Variants in ZNF234 observed in about 807,000 individuals in gnomAD.
The protein encoded by ZNF234 is zinc finger protein 234, also known as C2-H2 type zinc finger protein.
A neutral mutation model predicts 10.3 loss-of-function variants in ZNF234; 4 were observed. The observed-to-expected ratio is 0.39, with a 90% CI of 0.19 to 0.89. ZNF234 has a LOEUF of 0.89. Ranked by LOEUF, ZNF234 falls within the 40% of genes least tolerant of loss-of-function variation. The probability of loss-of-function intolerance (pLI) is 0.38; values close to 1 mark genes in which losing one functional copy is unlikely to be tolerated. For missense variants in ZNF234, 711 were observed against 836.1 expected (o/e 0.85, Z 1.85); for synonymous variants, 258 against 280.1 (o/e 0.92, Z 0.79).
chr19:44,155,012 C>T (rs1002087721), intron 5 of ZNF234, among the ~76,000 whole-genome samples: 6 of 152,112 alleles, frequency 3.9e-5, no homozygotes, highest in East Asian at 3.9e-4. Context: ...CTTAGAGGTA[C>T]GTCTTTCTGC....
chr19:44,153,825 A>G (rs1270467158), intron 5 of ZNF234, among the ~76,000 whole-genome samples: 1 of 152,264 alleles, frequency 6.6e-6, no homozygotes, highest in African/African-American at 2.4e-5. Flanking sequence ...AAAAAAGTCA[A>G]GTTGGGGTTC....
chr19:44,159,876 AC>A lies in ZNF234; in HGVS notation c.*1758del. On this transcript the variant is annotated 3_prime_UTR_variant, in exon 6 of 6. Coordinates refer to ENST00000426739, the MANE Select transcript of ZNF234 (RefSeq NM_006630.3). ...TGGTGAAACCCCATCTCTACTAAATACAAAAATTAGCTGGGCATGGTGGCAG... is the reference window on the plus strand; with the variant it reads ...TGGTGAAACCCCATCTCTACTAAATAAAAAATTAGCTGGGCATGGTGGCAG... The A allele has an allele frequency of 5.8e-6, 1 of 172,238 alleles. No individual in the cohort carries two copies. 10.7% of individuals were successfully genotyped at this position (172,238 alleles called of 1,614,324 possible). A position where few individuals can be genotyped will look rare whatever the true frequency, so the allele number is the denominator to read the frequency against.
In ZNF234 at chr19:44,156,929, A is replaced by G. The variant is rs1568554054; in HGVS notation, c.913A>G (p.Asn305Asp). The change falls in exon 6 of 6, where the codon AAT becomes GAT. Residue 305 changes from asparagine to aspartate, a missense_variant. Physicochemically the swap from Asn to Asp is conservative, Grantham distance 23. Transcript: ENST00000426739. ...KNFRRRSALN[N>D]HCMVHTGEKP... ...CTTCCGTCGTAGATCAGCACTTAAT[A>G]ATCATTGCATGGTCCACACAGGAGA... 1 of 1,614,180 alleles carries G rather than the reference A, an allele frequency of 6.2e-7. No individual in the cohort carries two copies. Among genetic ancestry groups the G allele is most frequent in the Admixed American group, 1.7e-5 (1 of 60,030 alleles).
rs895501421 is a variant in ZNF234 at position 44,141,708 on chromosome 19, A to C, written c.-156A>C. The C allele has an allele frequency of 2.2e-4, 33 of 152,470 alleles. No homozygotes were observed. The highest frequency in any genetic ancestry group is 7.9e-4 in the African/African-American group (33 of 41,546). The allele number at this position is 152,470 out of a possible 1,614,324, so 9.4% of individuals were successfully genotyped here. On this transcript the variant is annotated 5_prime_UTR_variant, in exon 1 of 6. Transcript: ENST00000426739. The surrounding 1 kb of genome is among the most constrained non-coding windows in gnomAD (Gnocchi z 4.6). ...TGGGACCTGGTGGTCCGGTTATGGG[A>C]AAAGAAGCCTCGTGGGAGAGCAGAG...
chr19:44,153,165 C>CATATGTATATATATATATATATATATAT (rs1968787277), intron 5 of ZNF234, among the ~76,000 whole-genome samples: 3 of 97,890 alleles, frequency 3.1e-5, no homozygotes, highest in South Asian at 6.6e-4. Context: ...ATGTATTCAT[C>CATATGTATATATATATATATATATATAT]ATATATATAT....
chr19:44,151,749 G>C (rs1968749866), intron 5 of ZNF234, among the ~76,000 whole-genome samples: 1 of 152,086 alleles, frequency 6.6e-6, no homozygotes, highest in Non-Finnish European at 1.5e-5. Flanking sequence ...CAGCAACAGT[G>C]CTTCTCTGAT....
chr19:44,157,690 T>C lies in ZNF234; in HGVS notation c.1674T>C (p.His558=), dbSNP rs1968938263. 1 of 1,613,684 alleles carries C rather than the reference T, an allele frequency of 6.2e-7. No individual in the cohort carries two copies. Among genetic ancestry groups the C allele is most frequent in the Non-Finnish European group, 8.5e-7 (1 of 1,179,966 alleles). Reference sequence around the variant, plus strand: ...GTCGGAGTGCACACCTTCAAGCCCATCAAAAAGTCCACACTGGAGAAAAGC... The same window carrying C: ...GTCGGAGTGCACACCTTCAAGCCCACCAAAAAGTCCACACTGGAGAAAAGC... ...SFSRSAHLQA[H]QKVHTGEKPY... The change falls in exon 6 of 6, where the codon CAT becomes CAC. Residue 558 remains histidine, a synonymous_variant. Transcript: ENST00000426739.
In ZNF234 at chr19:44,156,731, A is replaced by C; in HGVS notation, c.715A>C (p.Lys239Gln). 1 of 1,614,196 alleles carries C rather than the reference A, an allele frequency of 6.2e-7. No individual in the cohort carries two copies. The change falls in exon 6 of 6, where the codon AAA becomes CAA. Residue 239 changes from lysine (K) to glutamine (Q), a missense_variant. Coordinates refer to ENST00000426739, the MANE Select transcript of ZNF234 (RefSeq NM_006630.3). ...EKPFKCVECG[K>Q]GFSRRSTLTV... is the part of the protein sequence containing the mutation. ...ACCATTCAAATGTGTGGAATGTGGG[A>C]AAGGCTTCAGTCGTAGATCAACACT... is the stretch of plus-strand genomic sequence containing the variant.
Position 44,156,384 on chromosome 19 carries a change from G to A in ZNF234, c.368G>A (p.Arg123Gln), listed in dbSNP as rs117216125. 908 of 1,613,474 alleles carry A rather than the reference G, an allele frequency of 5.6e-4. 7 individuals are homozygous for A. In the East Asian group the frequency reaches 0.017, roughly 30 times the overall value. The change falls in exon 6 of 6, where the codon CGG (arginine) becomes CAG (glutamine). Residue 123 changes from arginine to glutamine, a missense_variant. Arg to Gln is a conservative substitution (Grantham distance 43). Transcript: ENST00000426739. ...KYEDSMISIS[R>Q]FPRQGDLSCQ... is the part of the protein sequence containing the mutation. ...GAAGACTCTATGATAAGTATTTCTC[G>A]GTTCCCCAGACAAGGTGATTTGTCC...
chr19:44,144,509 G>T, intron 2 of ZNF234, 48 bp from the exon 3 acceptor site: 1 of 744,896 alleles, frequency 1.3e-6, no homozygotes, highest in East Asian at 2.8e-5. Context: ...TGTGTTGGTG[G>T]GGACATCCCT....
rs754318858 is a variant in ZNF234, at chr19:44,157,310, G to T, written c.1294G>T (p.Val432Leu). Reference protein sequence around the residue: ...HTGEKPYKCEVCGKAFRQSSY... With the variant: ...HTGEKPYKCELCGKAFRQSSY... ...AGGGGAAAAACCCTATAAATGTGAA[G>T]TATGTGGTAAAGCCTTCCGTCAGAG... Residue 432 changes from valine to leucine, a missense_variant, in exon 6 of 6, where the codon GTA becomes TTA. Val to Leu is a conservative substitution (Grantham distance 32). Transcript: ENST00000426739. The T allele has an allele frequency of 3.7e-6, 6 of 1,613,974 alleles. No individual in the cohort carries two copies. Among genetic ancestry groups the T allele is most frequent in the Non-Finnish European group, 5.1e-6 (6 of 1,179,892 alleles).
At position 44,156,409 on chromosome 19, in the gene ZNF234, C is replaced by T. The variant is rs2122150192; in HGVS notation, c.393C>T (p.Ser131=). The change falls in exon 6 of 6, where the codon TCC becomes TCT. Residue 131 remains serine, a synonymous_variant. Coordinates refer to ENST00000426739, the MANE Select transcript of ZNF234 (RefSeq NM_006630.3). ...ISRFPRQGDL[S]CQVRAGLYTT... Reference sequence around the variant, plus strand: ...GGTTCCCCAGACAAGGTGATTTGTCCTGCCAGGTTAGGGCAGGACTATATA... The same window carrying T: ...GGTTCCCCAGACAAGGTGATTTGTCTTGCCAGGTTAGGGCAGGACTATATA... 1 of 1,613,496 alleles carries T rather than the reference C, an allele frequency of 6.2e-7. No homozygotes were observed.
intron 3 of ZNF234, among the ~76,000 whole-genome samples, chr19:44,145,050 C>T (rs1294947898): frequency 1.3e-5 from 2 of 152,128 alleles, no homozygotes; most frequent in Non-Finnish European, 2.9e-5. Context: ...TTATGGTATC[C>T]TCAGGGGTCC....
rs543548748 is a variant in ZNF234, at chr19:44,151,679, C to T, written c.235+1174C>T. Among the ~76,000 whole-genome samples the T allele has an allele frequency of 3.9e-5, 6 of 152,304 alleles. No homozygotes were observed. The South Asian group carries it at 8.3e-4, about 21-fold the overall frequency. On this transcript the variant is annotated intron_variant, in intron 5 of 5. Transcript: ENST00000426739. Reference sequence around the variant, plus strand: ...GGCTCTAGGGAAGGAGAATCTGTATCGTTCCCTTATCAGTGTGTAGGGGCT... The same window carrying T: ...GGCTCTAGGGAAGGAGAATCTGTATTGTTCCCTTATCAGTGTGTAGGGGCT...
rs1166572875 is a variant in ZNF234, at chr19:44,150,449, A to G, written c.179A>G (p.Glu60Gly). ...TTCAAACATGATGTATTCCTTTTAGAAAAGGAAAAAAAGCTTGATATAATG... is the reference window on the plus strand; with the variant it reads ...TTCAAACATGATGTATTCCTTTTAGGAAAGGAAAAAAAGCTTGATATAATG... ...HPFKHDVFLL[E>G]KEKKLDIMKT... The change falls in exon 5 of 6, where the codon GAA becomes GGA. Residue 60 changes from glutamate (E) to glycine (G), a missense_variant. By Grantham distance (98) the Glu-to-Gly change is moderately conservative. Coordinates refer to ENST00000426739, the MANE Select transcript of ZNF234 (RefSeq NM_006630.3). 6.3e-7 allele frequency: 1 copy of G among 1,589,324 alleles called. No individual in the cohort carries two copies. The highest frequency in any genetic ancestry group is 8.6e-7 in the Non-Finnish European group (1 of 1,167,146).
At chr19:44,144,689 A>G in intron 3 of ZNF234, 42 bp downstream of exon 3, 3 of 1,519,194 alleles carry the variant, frequency 2.0e-6, no homozygotes, top group South Asian at 1.4e-5. Flanking sequence ...ATTCCATCTC[A>G]CTATTCTCAT....
chr19:44,156,502 C>G lies in ZNF234; in HGVS notation c.486C>G (p.Asn162Lys). The G allele has an allele frequency of 1.2e-6, 2 of 1,614,222 alleles. No homozygotes were observed. The highest frequency in any genetic ancestry group is 1.7e-6 in the Non-Finnish European group (2 of 1,180,024). ...EYKKSFTDVF[N>K]FDLHQQLHSG... is the part of the protein sequence containing the mutation. ...AAAAATCCTTCACTGATGTCTTCAA[C>G]TTTGATCTTCATCAACAGTTACACT... Residue 162 changes from asparagine to lysine, a missense_variant, in exon 6 of 6, where the codon AAC becomes AAG. Transcript: ENST00000426739.
intron 3 of ZNF234, among the ~76,000 whole-genome samples, chr19:44,145,328 A>G (rs764636319): frequency 5.9e-5 from 9 of 151,912 alleles, no homozygotes; most frequent in Non-Finnish European, 1.0e-4. Flanking sequence ...GTGCCTTTTT[A>G]TTTTTGACTA....
intron 5 of ZNF234, among the ~76,000 whole-genome samples, chr19:44,152,540 T>A (rs1968769166): frequency 6.6e-6 from 1 of 152,180 alleles, no homozygotes; most frequent in Admixed American, 6.5e-5. Flanking sequence ...CCTCATACCA[T>A]GAAAACTTAC....
Sources: gnomAD v4.1 joint callset for allele counts (sites outside exome capture counted in the v4.1 genomes callset) on GRCh38, gnomAD v4.1.1 for gene constraint, Gnocchi (gnomAD v3.1) non-coding constraint, MANE v1.5 for transcripts, NCBI Gene and HGNC (gene_info 2026-07-23, HGNC 2026-07-21) for gene names.